Variants in GABRG3 observed in about 807,000 individuals in gnomAD.
GABRG3 encodes gamma-aminobutyric acid type A receptor subunit gamma3, also known as gamma-aminobutyric acid receptor subunit gamma-3.
Under a neutral mutation model 48.8 loss-of-function variants are expected in GABRG3, and 25 were observed. The observed-to-expected ratio is 0.51, with a 90% CI of 0.37 to 0.72. The LOEUF is 0.72. Among genes scored for constraint, GABRG3 ranks in the 30% least tolerant of loss-of-function variants. GABRG3 has a pLI of 0.00. For missense variants in GABRG3, 394 were observed against 577.9 expected, an observed-to-expected ratio of 0.68 and a Z score of 3.26; for synonymous variants, 227 against 217.6, an observed-to-expected ratio of 1.04 and a Z score of -0.38.
chr15:27,133,644 A>G (rs1017876583), intron 3 of GABRG3, among the ~76,000 whole-genome samples: 9 of 152,244 alleles, frequency 5.9e-5, no homozygotes, highest in African/African-American at 2.2e-4. Context: ...AAATCCAAAT[A>G]TGAATTTCTC....
chr15:27,209,348 T>G (rs1263707777), intron 3 of GABRG3, among the ~76,000 whole-genome samples: 2 of 81,946 alleles, frequency 2.4e-5, no homozygotes, highest in Non-Finnish European at 4.7e-5. Context: ...CTTTCTTTCT[T>G]TCCTTCCTTC....
intron 3 of GABRG3, among the ~76,000 whole-genome samples, chr15:27,069,485 CAGAG>C (rs753670443): frequency 3.9e-5 from 6 of 152,314 alleles, no homozygotes; most frequent in African/African-American, 9.6e-5. Context: ...TGTACACTGT[CAGAG>C]AGACTCGCGC....
chr15:27,020,728 A>G (rs555407399), intron 2 of GABRG3, among the ~76,000 whole-genome samples: 1 of 151,740 alleles, frequency 6.6e-6, no homozygotes, highest in African/African-American at 2.4e-5. Flanking sequence ...GTTGTTTTCT[A>G]TCTCTCGCTT....
At chr15:27,323,938 C>G (rs796433960) in intron 3 of GABRG3, among the ~76,000 whole-genome samples, 9 of 152,286 alleles carry the variant, frequency 5.9e-5, no homozygotes, top group African/African-American at 1.9e-4. Flanking sequence ...TCTTCCAGGG[C>G]CCTCCGAGGA....
chr15:27,177,018 G>A (rs1887767902), intron 3 of GABRG3, among the ~76,000 whole-genome samples: 1 of 152,162 alleles, frequency 6.6e-6, no homozygotes, highest in African/African-American at 2.4e-5. Flanking sequence ...GCTATTTAGT[G>A]GGAGGACAAG....
intron 5 of GABRG3, among the ~76,000 whole-genome samples, chr15:27,334,696 G>A (rs73365211): frequency 0.025 from 3,713 of 148,042 alleles, 150 homozygotes; most frequent in African/African-American, 0.092. Flanking sequence ...TCGGTTGGAT[G>A]TCTATGGGCA....
In GABRG3 at chr15:27,447,469, G is replaced by T. The variant is rs528025047; in HGVS notation, c.575-33181G>T. Among the ~76,000 whole-genome samples, 3 of 152,096 alleles carry T rather than the reference G, an allele frequency of 2.0e-5. No individual in the cohort carries two copies. The highest frequency in any genetic ancestry group is 4.4e-5 in the Non-Finnish European group (3 of 68,020). The stretch of plus-strand genomic sequence containing the variant: ...GTGAATAAACCTGAAGTGTCCAAGT[G>T]GGGGAGATGCCATAATTATAGTGAG... On this transcript the variant is annotated intron_variant, in intron 5 of 9. Transcript: ENST00000615808. The surrounding 1 kb of genome is among the most constrained non-coding windows in gnomAD (Gnocchi z 4.0).
chr15:27,000,031 A>G (rs371787237), intron 2 of GABRG3, among the ~76,000 whole-genome samples: 2 of 152,190 alleles, frequency 1.3e-5, no homozygotes, highest in African/African-American at 4.8e-5. Flanking sequence ...AACATATGGA[A>G]TACAGTTAAT....
chr15:26,973,767 G>C (rs1041892437), intron 1 of GABRG3, among the ~76,000 whole-genome samples: 5 of 152,180 alleles, frequency 3.3e-5, no homozygotes, highest in Admixed American at 6.5e-5. Flanking sequence ...CTTTTTCTCT[G>C]TCCTTCCGCT....
intron 5 of GABRG3, among the ~76,000 whole-genome samples, chr15:27,357,875 A>G (rs964016365): frequency 4.6e-5 from 7 of 152,214 alleles, no homozygotes; most frequent in Non-Finnish European, 8.8e-5. Context: ...ACTCTATACT[A>G]TTCATATCTT....
intron 5 of GABRG3, among the ~76,000 whole-genome samples, chr15:27,349,775 G>T (rs904090714): frequency 6.6e-6 from 1 of 152,124 alleles, no homozygotes; most frequent in Non-Finnish European, 1.5e-5. Flanking sequence ...GAACTGAGAG[G>T]CTTCATAGAG....
intron 3 of GABRG3, among the ~76,000 whole-genome samples, chr15:27,108,843 AT>A (rs892469867): frequency 4.3e-4 from 65 of 151,982 alleles, no homozygotes; most frequent in African/African-American, 1.3e-3. Context: ...ATTTCTAATA[AT>A]TTTTTTTGTT....
At chr15:27,096,461 C>T (rs1897266573) in intron 3 of GABRG3, among the ~76,000 whole-genome samples, 1 of 152,198 alleles carries the variant, frequency 6.6e-6, no homozygotes, top group Admixed American at 6.5e-5. Context: ...GCTTATTCAT[C>T]TTTGGACTTT....
intron 3 of GABRG3, among the ~76,000 whole-genome samples, chr15:27,307,171 C>T (rs1208471073): frequency 7.4e-6 from 1 of 134,962 alleles, no homozygotes; most frequent in African/African-American, 2.7e-5. Flanking sequence ...CATGTTTATA[C>T]ATAATATATA....
intron 3 of GABRG3, among the ~76,000 whole-genome samples, chr15:27,031,694 T>G (rs76227517): frequency 0.012 from 1,779 of 152,264 alleles, 27 homozygotes; most frequent in African/African-American, 0.04. Context: ...CAACCCTATC[T>G]CTGCTCCATT....
chr15:27,056,700 T>C (rs74006567), intron 3 of GABRG3, among the ~76,000 whole-genome samples: 12,460 of 152,184 alleles, frequency 0.082, 570 homozygotes, highest in East Asian at 0.25. Context: ...TGGCTTCCAC[T>C]GCAAACAGAA....
chr15:27,282,128 C>G (rs988418112), intron 3 of GABRG3, among the ~76,000 whole-genome samples: 1 of 152,120 alleles, frequency 6.6e-6, no homozygotes, highest in African/African-American at 2.4e-5. Context: ...GTTTGTTTCT[C>G]TTCAGCTGCT....
At chr15:27,466,570 T>G (rs534019124) in intron 5 of GABRG3, among the ~76,000 whole-genome samples, 3 of 152,224 alleles carry the variant, frequency 2.0e-5, no homozygotes, top group Non-Finnish European at 4.4e-5. Flanking sequence ...TTTCTCAAAG[T>G]AGGTCAAATG....
intron 3 of GABRG3, among the ~76,000 whole-genome samples, chr15:27,038,655 A>C (rs1896221070): frequency 6.6e-6 from 1 of 152,166 alleles, no homozygotes; most frequent in African/African-American, 2.4e-5. Context: ...TGACCTCCTC[A>C]TATTCTCCAG....
Sources: gnomAD v4.1 joint callset for allele counts (sites outside exome capture counted in the v4.1 genomes callset) on GRCh38, gnomAD v4.1.1 for gene constraint, Gnocchi (gnomAD v3.1) non-coding constraint, MANE v1.5 for transcripts, NCBI Gene and HGNC (gene_info 2026-07-23, HGNC 2026-07-21) for gene names.